Variants in ABCA4 observed in about 807,000 individuals in gnomAD.
ABCA4 encodes the protein ATP binding cassette subfamily A member 4.
A neutral mutation model predicts 263.7 loss-of-function variants in ABCA4; 196 were observed. That is an observed-to-expected ratio of 0.74 (90% CI 0.66 to 0.84). ABCA4 has a LOEUF of 0.84. Among genes scored for constraint, ABCA4 ranks in the 40% least tolerant of loss-of-function variants. ABCA4 has a pLI of 0.00. For synonymous variants in ABCA4, 1,133 were observed against 1,094.2 expected (o/e 1.04, Z -0.70); for missense variants, 2,792 against 2,855.1 (o/e 0.98, Z 0.50).
intron 6 of ABCA4, among the ~76,000 whole-genome samples, chr1:94,087,271 T>A (rs1661856453): frequency 6.6e-6 from 1 of 152,208 alleles, no homozygotes; most frequent in South Asian, 2.1e-4. Flanking sequence ...ATGTATAACA[T>A]GAAGCATAAG....
At position 93,993,221 on chromosome 1, in the gene ABCA4, C is replaced by T. The variant is rs955079945; in HGVS notation, c.*16G>A. 6.2e-6 allele frequency: 10 copies of T among 1,613,702 alleles called. No homozygotes were observed. The highest frequency in any genetic ancestry group is 7.6e-6 in the Non-Finnish European group (9 of 1,179,832). ...CAGAGTTCCTTTCTGGCTGCAGGAACGAGCGGTGTGAAAGATCAGTCCTGT... is the reference window on the plus strand; with the variant it reads ...CAGAGTTCCTTTCTGGCTGCAGGAATGAGCGGTGTGAAAGATCAGTCCTGT... On this transcript the variant is annotated 3_prime_UTR_variant, in exon 50 of 50. Coordinates refer to ENST00000370225, the MANE Select transcript of ABCA4 (RefSeq NM_000350.3).
Position 94,083,457 on chromosome 1 carries a change from A to T in ABCA4, c.769-16T>A. 6.3e-7 allele frequency: 1 copy of T among 1,591,108 alleles called. No homozygotes were observed. The highest frequency in any genetic ancestry group is 8.6e-7 in the Non-Finnish European group (1 of 1,159,926). ...GTGTGGGAAGCTGTAATTGACAGTA[A>T]AACAATTTTTTAAATATATATATGT... On this transcript the variant is annotated splice_polypyrimidine_tract_variant and intron_variant, in intron 6 of 49. Coordinates refer to ENST00000370225, the MANE Select transcript of ABCA4 (RefSeq NM_000350.3).
At chr1:94,018,227 G>A (rs1368523640) in intron 36 of ABCA4, among the ~76,000 whole-genome samples, 7 of 152,158 alleles carry the variant, frequency 4.6e-5, no homozygotes, top group African/African-American at 1.4e-4. Flanking sequence ...ACAGAAACAC[G>A]TGGGCCAGCC....
intron 11 of ABCA4, among the ~76,000 whole-genome samples, chr1:94,064,657 T>C (rs1364474223): frequency 6.6e-6 from 1 of 152,070 alleles, no homozygotes; most frequent in Non-Finnish European, 1.5e-5. Flanking sequence ...ATCCATATCT[T>C]GTAAAAAACT....
At position 94,072,840 on chromosome 1, in the gene ABCA4, C is replaced by G. The variant is rs74574563; in HGVS notation, c.1554+4850G>C. ...GCCGTCTGACTTCCATTTATTTCCCCCTGCTAATGGGAGGGGATCAGAGGA... is the reference window on the plus strand; with the variant it reads ...GCCGTCTGACTTCCATTTATTTCCCGCTGCTAATGGGAGGGGATCAGAGGA... On this transcript the variant is annotated intron_variant, in intron 11 of 49. Transcript: ENST00000370225. 7.5e-3 allele frequency among the ~76,000 whole-genome samples: 1,143 copies of G among 152,256 alleles called. 11 individuals are homozygous for G. Among genetic ancestry groups the G allele is most frequent in the African/African-American group, 0.026 (1,081 of 41,534 alleles).
rs569546011 is a variant in ABCA4 at position 94,088,501 on chromosome 1, G to A, written c.769-5060C>T. Among the ~76,000 whole-genome samples the A allele has an allele frequency of 5.8e-4, 88 of 152,142 alleles. 1 individual carries two copies. Among genetic ancestry groups the A allele is most frequent in the Non-Finnish European group, 1.0e-3 (68 of 68,020 alleles). On this transcript the variant is annotated intron_variant, in intron 6 of 49. Transcript: ENST00000370225. ...GACTTACATATCCAACTGTCTGCTGGGCATCTGCCTAGATCCAGCGTGTTC... is the reference window on the plus strand; with the variant it reads ...GACTTACATATCCAACTGTCTGCTGAGCATCTGCCTAGATCCAGCGTGTTC...
intron 44 of ABCA4, among the ~76,000 whole-genome samples, chr1:94,004,711 C>A (rs1001396811): frequency 3.9e-5 from 6 of 152,298 alleles, no homozygotes; most frequent in Non-Finnish European, 7.4e-5. Context: ...CATTAACATG[C>A]TTCCAAAAAT....
intron 22 of ABCA4, among the ~76,000 whole-genome samples, chr1:94,042,056 G>A (rs932525976): frequency 1.5e-5 from 2 of 135,422 alleles, no homozygotes; most frequent in Non-Finnish European, 3.0e-5. Context: ...TGGAGATTGC[G>A]CCACTGCACT....
intron 6 of ABCA4, among the ~76,000 whole-genome samples, chr1:94,085,966 G>A (rs1443553552): frequency 6.6e-6 from 1 of 151,984 alleles, no homozygotes; most frequent in East Asian, 1.9e-4. Context: ...CCCCTGCCCA[G>A]CCACGCTCTC....
At chr1:94,036,454 G>A (rs1246517473) in intron 26 of ABCA4, among the ~76,000 whole-genome samples, 1 of 150,424 alleles carries the variant, frequency 6.6e-6, no homozygotes, top group East Asian at 2.0e-4. Context: ...TCTGCTCACT[G>A]CAACCTCTGC....
chr1:94,006,689 T>C (rs111482495), intron 43 of ABCA4, among the ~76,000 whole-genome samples: 47 of 152,286 alleles, frequency 3.1e-4, no homozygotes, highest in African/African-American at 1.1e-3. Context: ...GGCCAAAGAA[T>C]CAAATTCATC....
At chr1:94,049,910 A>G (rs1660787601) in intron 17 of ABCA4, among the ~76,000 whole-genome samples, 1 of 152,192 alleles carries the variant, frequency 6.6e-6, no homozygotes, top group African/African-American at 2.4e-5. Flanking sequence ...ACATCCTGGA[A>G]GGGGAAGAGG....
At chr1:94,106,444 G>T (rs748265201) in intron 4 of ABCA4, among the ~76,000 whole-genome samples, 2 of 152,112 alleles carry the variant, frequency 1.3e-5, no homozygotes. Context: ...ATGTCATCCC[G>T]CCAGGAGCTG....
At chr1:94,098,336 A>C (rs974840434) in intron 6 of ABCA4, among the ~76,000 whole-genome samples, 1 of 152,214 alleles carries the variant, frequency 6.6e-6, no homozygotes, top group Non-Finnish European at 1.5e-5. Flanking sequence ...ATCATTTATT[A>C]AAATTTATGA....
At chr1:94,109,403 A>C (rs1218085612) in intron 3 of ABCA4, among the ~76,000 whole-genome samples, 1 of 152,198 alleles carries the variant, frequency 6.6e-6, no homozygotes, top group African/African-American at 2.4e-5. Flanking sequence ...GCCATGCTTC[A>C]TCCACAAGGA....
intron 5 of ABCA4, among the ~76,000 whole-genome samples, chr1:94,102,525 G>A (rs946147741): frequency 6.6e-6 from 1 of 151,622 alleles, no homozygotes; most frequent in African/African-American, 2.4e-5. Flanking sequence ...TCTAACCCTC[G>A]ACTCTACCGG....
At chr1:94,020,923 A>G (rs1659878246) in intron 35 of ABCA4, among the ~76,000 whole-genome samples, 1 of 152,276 alleles carries the variant, frequency 6.6e-6, no homozygotes, top group Admixed American at 6.5e-5. Context: ...GAACTTTGCC[A>G]GTTCCTGGCA....
In ABCA4 at chr1:94,108,715, A is replaced by G. The variant is rs371815745; in HGVS notation, c.304T>C (p.Leu102=). The part of the protein sequence containing the change: ...GIVSNYNNSI[L]ARVYRDFQEL... ...TGAAAATCTCGATATACCCTTGCCA[A>G]GCTGTAAGGACAAAGCCTCATTAAT... The change falls in exon 4 of 50, where the codon TTG becomes CTG. Residue 102 remains leucine (L), a splice_region_variant and synonymous_variant. Coordinates refer to ENST00000370225, the MANE Select transcript of ABCA4 (RefSeq NM_000350.3). The G allele has an allele frequency of 6.2e-7, 1 of 1,613,940 alleles. No homozygotes were observed. Among genetic ancestry groups the G allele is most frequent in the African/African-American group, 1.3e-5 (1 of 75,008 alleles).
intron 9 of ABCA4, among the ~76,000 whole-genome samples, chr1:94,079,058 C>G (rs1358691430): frequency 6.6e-6 from 1 of 152,106 alleles, no homozygotes; most frequent in Non-Finnish European, 1.5e-5. Flanking sequence ...AATTGTGAAC[C>G]CTTCCATTAG....
Sources: gnomAD v4.1 joint callset for allele counts (sites outside exome capture counted in the v4.1 genomes callset) on GRCh38, gnomAD v4.1.1 for gene constraint, MANE v1.5 for transcripts, NCBI Gene and HGNC (gene_info 2026-07-23, HGNC 2026-07-21) for gene names.